The following NPFFR2 variants were observed in gnomAD, a reference collection of about 807,000 sequenced individuals.
NPFFR2 encodes neuropeptide FF receptor 2.
A neutral mutation model predicts 13.1 loss-of-function variants in NPFFR2; 15 were observed. That is an observed-to-expected ratio of 1.15 (90% CI 0.77 to 1.76). The LOEUF (loss-of-function observed/expected upper bound fraction) is 1.76. Ranked by LOEUF, NPFFR2 falls within the 40% of genes most tolerant of loss-of-function variation. NPFFR2 has a pLI of 0.00. For synonymous variants in NPFFR2, 190 were observed against 175.7 expected (o/e 1.08, Z -0.65); for missense variants, 572 against 503.5 (o/e 1.14, Z -1.30).
intron 1 of NPFFR2, among the ~76,000 whole-genome samples, chr4:72,108,410 T>C (rs916857186): frequency 5.9e-5 from 9 of 151,948 alleles, no homozygotes; most frequent in Non-Finnish European, 1.5e-5. Context: ...AATCTCCTGG[T>C]ATTGGGGGAG....
At position 72,138,056 on chromosome 4, in the gene NPFFR2, C is replaced by A; in HGVS notation, c.345C>A (p.Asn115Lys). The A allele has an allele frequency of 6.2e-7, 1 of 1,612,932 alleles. No individual in the cohort carries two copies. The highest frequency in any genetic ancestry group is 8.5e-7 in the Non-Finnish European group (1 of 1,179,340). ...DNIIAGWPFG[N>K]TMCKISGLVQ... ...TCCTTTCAGGATGGCCATTTGGAAA[C>A]ACGATGTGCAAGATCAGTGGATTGG... The change falls in exon 3 of 4, where the codon AAC becomes AAA. Residue 115 changes from asparagine to lysine, a missense_variant. By Grantham distance (94) the Asn-to-Lys change is moderately conservative. Coordinates refer to ENST00000308744, the MANE Select transcript of NPFFR2 (RefSeq NM_004885.3).
chr4:72,144,227 G>T (rs1197011871), intron 3 of NPFFR2, among the ~76,000 whole-genome samples: 1 of 152,046 alleles, frequency 6.6e-6, no homozygotes, highest in Non-Finnish European at 1.5e-5. Context: ...GTCTCTATTG[G>T]TCTCTCCAAA....
chr4:72,052,875 A>G (rs1169549430), intron 1 of NPFFR2, among the ~76,000 whole-genome samples: 1 of 151,896 alleles, frequency 6.6e-6, no homozygotes, highest in African/African-American at 2.4e-5. Flanking sequence ...CCTTTCTATT[A>G]ATTTCAGGTC....
chr4:72,138,982 T>C (rs1167065870), intron 3 of NPFFR2, among the ~76,000 whole-genome samples: 3 of 152,214 alleles, frequency 2.0e-5, no homozygotes, highest in Non-Finnish European at 4.4e-5. Flanking sequence ...TATCTCATTG[T>C]GGTTGTGATT....
chr4:72,117,646 C>G (rs1721752072), intron 1 of NPFFR2, among the ~76,000 whole-genome samples: 1 of 152,166 alleles, frequency 6.6e-6, no homozygotes, highest in South Asian at 2.1e-4. Flanking sequence ...TCAACACAGT[C>G]AATATTTGTT....
At chr4:72,079,237 A>G (rs4694116) in intron 1 of NPFFR2, among the ~76,000 whole-genome samples, 135,907 of 152,000 alleles carry the variant, frequency 0.89, 61,793 homozygotes, top group Non-Finnish European at 0.98. Flanking sequence ...GTGTGAGTCT[A>G]TAGTTATCTC....
intron 2 of NPFFR2, among the ~76,000 whole-genome samples, chr4:72,131,060 C>G (rs958713004): frequency 1.3e-5 from 2 of 151,806 alleles, no homozygotes; most frequent in Non-Finnish European, 2.9e-5. Context: ...TTTTTTTTCT[C>G]GATGTTCAGA....
intron 1 of NPFFR2, among the ~76,000 whole-genome samples, chr4:72,049,880 G>C (rs1039151942): frequency 3.3e-5 from 5 of 151,910 alleles, no homozygotes; most frequent in African/African-American, 9.7e-5. Flanking sequence ...AAATGTGAAA[G>C]AATAACCTTT....
Position 72,106,168 on chromosome 4 carries a change from C to A in NPFFR2, c.-7-22417C>A, listed in dbSNP as rs146979024. The stretch of plus-strand genomic sequence containing the variant: ...TGTGCAAAGAGTTTAATATACAAGC[C>A]GAATACTTTGGAGAACACAGTGGAC... On this transcript the variant is annotated intron_variant, in intron 1 of 3. Transcript: ENST00000308744. Among the ~76,000 whole-genome samples, 691 of 152,024 alleles carry A rather than the reference C, an allele frequency of 4.5e-3. 3 individuals carry two copies. The highest frequency in any genetic ancestry group is 0.016 in the African/African-American group (662 of 41,466).
At chr4:72,048,869 A>G (rs894759327) in intron 1 of NPFFR2, among the ~76,000 whole-genome samples, 3 of 152,072 alleles carry the variant, frequency 2.0e-5, no homozygotes, top group Admixed American at 6.6e-5. Context: ...ACAAATAGTT[A>G]TATTGCTTAT....
chr4:72,079,411 G>T (rs1046285737), intron 1 of NPFFR2, among the ~76,000 whole-genome samples: 1 of 151,938 alleles, frequency 6.6e-6, no homozygotes, highest in African/African-American at 2.4e-5. Context: ...GCAAATTATT[G>T]CTTTAAAAAC....
At chr4:72,084,473 A>C (rs1720712781) in intron 1 of NPFFR2, among the ~76,000 whole-genome samples, 1 of 152,208 alleles carries the variant, frequency 6.6e-6, no homozygotes, top group Non-Finnish European at 1.5e-5. Flanking sequence ...AATTTGAACA[A>C]TAAAATGACT....
chr4:72,140,775 A>G (rs758553579), intron 3 of NPFFR2, among the ~76,000 whole-genome samples: 3 of 152,202 alleles, frequency 2.0e-5, no homozygotes, highest in Non-Finnish European at 2.9e-5. Context: ...TGCTGGCCTC[A>G]TAAAATGAGT....
chr4:72,087,043 A>T (rs1303437031), intron 1 of NPFFR2, among the ~76,000 whole-genome samples: 1 of 152,078 alleles, frequency 6.6e-6, no homozygotes, highest in African/African-American at 2.4e-5. Context: ...TTTCACATTT[A>T]GCATTAGAAG....
chr4:72,063,803 A>G (rs1338461491), intron 1 of NPFFR2, among the ~76,000 whole-genome samples: 1 of 152,214 alleles, frequency 6.6e-6, no homozygotes, highest in African/African-American at 2.4e-5. Flanking sequence ...TGTGTTAGCC[A>G]TTCTGCTAGG....
rs145051149 is a variant in NPFFR2, at chr4:72,091,446, A to G, written c.-7-37139A>G. 4.6e-3 allele frequency among the ~76,000 whole-genome samples: 700 copies of G among 152,184 alleles called. 3 individuals are homozygous for G. Among genetic ancestry groups the G allele is most frequent in the African/African-American group, 0.016 (671 of 41,534 alleles). On this transcript the variant is annotated intron_variant, in intron 1 of 3. Coordinates refer to ENST00000308744, the MANE Select transcript of NPFFR2 (RefSeq NM_004885.3). Reference sequence around the variant, plus strand: ...AATGTCTGATAGAATTCAGCTGTGAATCCATCTGGTCCTGCACTTTTTATT... The same window carrying G: ...AATGTCTGATAGAATTCAGCTGTGAGTCCATCTGGTCCTGCACTTTTTATT...
At chr4:72,109,146 C>CT (rs2109817255) in intron 1 of NPFFR2, among the ~76,000 whole-genome samples, 1 of 152,030 alleles carries the variant, frequency 6.6e-6, no homozygotes, top group East Asian at 1.9e-4. Context: ...CCCAATATTC[C>CT]TTTTTCAGAG....
chr4:72,057,236 T>C (rs1719778708), intron 1 of NPFFR2, among the ~76,000 whole-genome samples: 1 of 151,906 alleles, frequency 6.6e-6, no homozygotes, highest in African/African-American at 2.4e-5. Context: ...CAATTAAGGC[T>C]AAAACTGGTG....
intron 1 of NPFFR2, among the ~76,000 whole-genome samples, chr4:72,097,595 C>T (rs892005091): frequency 2.0e-5 from 3 of 152,108 alleles, no homozygotes; most frequent in Non-Finnish European, 4.4e-5. Context: ...TTTCTTCCTG[C>T]TTCTGGATTC....
Sources: gnomAD v4.1 joint callset for allele counts (sites outside exome capture counted in the v4.1 genomes callset) on GRCh38, gnomAD v4.1.1 for gene constraint, MANE v1.5 for transcripts, NCBI Gene and HGNC (gene_info 2026-07-23, HGNC 2026-07-21) for gene names.